Variants in COL5A1 observed in about 807,000 individuals in gnomAD.
The protein encoded by COL5A1 is collagen alpha-1(V) chain.
In COL5A1, 16 loss-of-function variants were observed where a neutral mutation model predicts 263.7. The observed-to-expected ratio is 0.06, with a 90% confidence interval of 0.04 to 0.09. The LOEUF is 0.09. Among genes scored for constraint, COL5A1 ranks in the 10% least tolerant of loss-of-function variants. COL5A1 has a pLI of 1.00. For missense variants in COL5A1, 2,036 were observed against 2,540.5 expected (o/e 0.80, Z 4.27); for synonymous variants, 1,012 against 1,004.5 (o/e 1.01, Z -0.14).
chr9:134,828,996 G>GCACA (rs1270909807), intron 63 of COL5A1, among the ~76,000 whole-genome samples: 23 of 150,106 alleles, frequency 1.5e-4, no homozygotes, highest in Non-Finnish European at 2.8e-4. Flanking sequence ...CACCATGCAC[G>GCACA]CGCACACACA....
rs1028418375 is a variant in COL5A1, at chr9:134,686,699, C to T, written c.110-4213C>T. On this transcript the variant is annotated intron_variant, in intron 1 of 65. Coordinates refer to ENST00000371817, the MANE Select transcript of COL5A1 (RefSeq NM_000093.5). The surrounding 1 kb of genome is among the most constrained non-coding windows in gnomAD (Gnocchi z 4.6). The stretch of plus-strand genomic sequence containing the variant: ...CAGTGACAAATACTTCTACTTGTAA[C>T]AGTGCAGGGGATGCAGGGGCCAACT... Among the ~76,000 whole-genome samples the T allele has an allele frequency of 7.2e-5, 11 of 152,192 alleles. No individual in the cohort carries two copies. Among genetic ancestry groups the T allele is most frequent in the Non-Finnish European group, 1.0e-4 (7 of 68,046 alleles).
chr9:134,809,590 G>A (rs907927932), intron 43 of COL5A1, among the ~76,000 whole-genome samples: 1 of 152,204 alleles, frequency 6.6e-6, no homozygotes, highest in African/African-American at 2.4e-5. Context: ...ATGCTCCCCG[G>A]TCCCCCCGAA....
Position 134,818,983 on chromosome 9 carries a change from C to A in COL5A1, c.4393-17C>A. 6.2e-7 allele frequency: 1 copy of A among 1,613,396 alleles called. No individual in the cohort carries two copies. The highest frequency in any genetic ancestry group is 8.5e-7 in the Non-Finnish European group (1 of 1,179,930). On this transcript the variant is annotated splice_polypyrimidine_tract_variant and intron_variant, in intron 56 of 65. Coordinates refer to ENST00000371817, the MANE Select transcript of COL5A1 (RefSeq NM_000093.5). The surrounding 1 kb of genome is among the most constrained non-coding windows in gnomAD (Gnocchi z 6.0). ...CCCCAAGGATGAGGACTCTGATCCCCCTGCCTCCTCCCACAGGGTCCCCCA... is the reference window on the plus strand; with the variant it reads ...CCCCAAGGATGAGGACTCTGATCCCACTGCCTCCTCCCACAGGGTCCCCCA...
intron 63 of COL5A1, among the ~76,000 whole-genome samples, chr9:134,827,881 A>G (rs1235908214): frequency 1.3e-5 from 2 of 152,220 alleles, no homozygotes; most frequent in Admixed American, 6.5e-5. Context: ...TGGCATTGAC[A>G]GTGGCAGATT....
At position 134,716,896 on chromosome 9, in the gene COL5A1, G is replaced by A. The variant is rs113994565; in HGVS notation, c.655-10370G>A. ...GAATTGGACTGGGACTGGAGGCAGC[G>A]AGCGAGGACATGGCGGGGACAGCAG... On this transcript the variant is annotated intron_variant, in intron 4 of 65. Transcript: ENST00000371817. The surrounding 1 kb of genome is among the most constrained non-coding windows in gnomAD (Gnocchi z 4.5). 1.3e-5 allele frequency among the ~76,000 whole-genome samples: 2 copies of A among 152,298 alleles called. No individual in the cohort carries two copies. The highest frequency in any genetic ancestry group is 4.8e-5 in the African/African-American group (2 of 41,556).
At chr9:134,722,539 G>A (rs965125158) in intron 4 of COL5A1, among the ~76,000 whole-genome samples, 1 of 152,250 alleles carries the variant, frequency 6.6e-6, no homozygotes, top group African/African-American at 2.4e-5. Context: ...CGGGGAAGCA[G>A]AGCTGGATCC....
At position 134,818,960 on chromosome 9, in the gene COL5A1, C is replaced by T. The variant is rs1446855905; in HGVS notation, c.4393-40C>T. ...TGGGATGACTTCGCCACCCAAAGCCCCAAGGATGAGGACTCTGATCCCCCT... is the reference window on the plus strand; with the variant it reads ...TGGGATGACTTCGCCACCCAAAGCCTCAAGGATGAGGACTCTGATCCCCCT... On this transcript the variant is annotated intron_variant, in intron 56 of 65. Coordinates refer to ENST00000371817, the MANE Select transcript of COL5A1 (RefSeq NM_000093.5). The surrounding 1 kb of genome is among the most constrained non-coding windows in gnomAD (Gnocchi z 6.0). 6.2e-7 allele frequency: 1 copy of T among 1,613,182 alleles called. No individual in the cohort carries two copies. The highest frequency in any genetic ancestry group is 1.3e-5 in the African/African-American group (1 of 74,926).
At chr9:134,762,303 T>G (rs1235571609) in intron 19 of COL5A1, among the ~76,000 whole-genome samples, 1 of 152,206 alleles carries the variant, frequency 6.6e-6, no homozygotes, top group Non-Finnish European at 1.5e-5. Flanking sequence ...CCAGAGCGTT[T>G]ACTGAGCTCA....
intron 11 of COL5A1, among the ~76,000 whole-genome samples, chr9:134,740,844 C>T (rs1379318579): frequency 1.3e-5 from 2 of 152,218 alleles, no homozygotes; most frequent in Non-Finnish European, 2.9e-5. Context: ...GGTTTAGGAG[C>T]TGGTCCTCCT....
chr9:134,760,653 A>ACACACC (rs1554794678), intron 18 of COL5A1, among the ~76,000 whole-genome samples: 1 of 96,572 alleles, frequency 1.0e-5, no homozygotes, highest in Non-Finnish European at 2.1e-5. Context: ...ACACTCATGC[A>ACACACC]CACACACACA....
intron 4 of COL5A1, among the ~76,000 whole-genome samples, chr9:134,719,060 G>A (rs1184742414): frequency 6.6e-6 from 1 of 152,208 alleles, no homozygotes; most frequent in African/African-American, 2.4e-5. Context: ...TTGGAGCGGG[G>A]AAGTGGGGTG....
intron 1 of COL5A1, among the ~76,000 whole-genome samples, chr9:134,661,688 T>C (rs1416037727): frequency 6.6e-6 from 1 of 152,122 alleles, no homozygotes; most frequent in East Asian, 1.9e-4. Flanking sequence ...TTTTCCCAGA[T>C]GTCACCCAGC....
At chr9:134,792,873 TTG>T (rs1178621322) in intron 32 of COL5A1, among the ~76,000 whole-genome samples, 7 of 37,452 alleles carry the variant, frequency 1.9e-4, no homozygotes, top group Non-Finnish European at 4.5e-4. Context: ...GTGCGCGCGT[TTG>T]TGCACACGTG....
Position 134,804,520 on chromosome 9 carries a change from G to C in COL5A1, c.3115-455G>C, listed in dbSNP as rs117798197. Among the ~76,000 whole-genome samples the C allele has an allele frequency of 2.7e-3, 405 of 152,294 alleles. 6 individuals are homozygous for C. The highest frequency in any genetic ancestry group is 3.9e-3 in the Admixed American group (59 of 15,294). ...CCCCAAATCTATGGAAAAGATAGAC[G>C]TGCCCTCAGCTCCCACATGGCCCAT... On this transcript the variant is annotated intron_variant, in intron 39 of 65. Coordinates refer to ENST00000371817, the MANE Select transcript of COL5A1 (RefSeq NM_000093.5).
chr9:134,811,461 T>C (rs766852485), intron 45 of COL5A1, 31 bp from the exon 46 acceptor site: 2 of 1,612,442 alleles, frequency 1.2e-6, no homozygotes, highest in African/African-American at 2.7e-5. Context: ...ATTGCCAGCA[T>C]CCTCACCCAT....
chr9:134,665,966 G>A (rs1832342683), intron 1 of COL5A1, among the ~76,000 whole-genome samples: 1 of 152,026 alleles, frequency 6.6e-6, no homozygotes, highest in African/African-American at 2.4e-5. Flanking sequence ...ACATGCCTGT[G>A]GTCCCAGCTA....
Position 134,742,278 on chromosome 9 carries a change from G to T in COL5A1, c.1494+3470G>T, listed in dbSNP as rs1011105585. On this transcript the variant is annotated intron_variant, in intron 11 of 65. Coordinates refer to ENST00000371817, the MANE Select transcript of COL5A1 (RefSeq NM_000093.5). The surrounding 1 kb of genome is among the most constrained non-coding windows in gnomAD (Gnocchi z 4.6). ...GCAGAGTGCAAGGAGAGGCACAGAA[G>T]TGGGGCCTGCCTTAAGAAACTCACC... Among the ~76,000 whole-genome samples the T allele has an allele frequency of 6.6e-6, 1 of 150,882 alleles. No homozygotes were observed. Among genetic ancestry groups the T allele is most frequent in the East Asian group, 2.0e-4 (1 of 5,004 alleles).
At chr9:134,788,682 C>T (rs1345432446) in intron 31 of COL5A1, among the ~76,000 whole-genome samples, 1 of 145,352 alleles carries the variant, frequency 6.9e-6, no homozygotes, top group Non-Finnish European at 1.5e-5. Flanking sequence ...GATGGATAGA[C>T]AGATAGGTGG....
chr9:134,699,508 T>C (rs1833596301), intron 2 of COL5A1, among the ~76,000 whole-genome samples: 1 of 139,322 alleles, frequency 7.2e-6, no homozygotes, highest in Non-Finnish European at 1.5e-5. Flanking sequence ...GCATGCTGAG[T>C]GGTGTGACCT....
Sources: allele counts gnomAD v4.1 joint callset (sites outside exome capture counted in the v4.1 genomes callset), GRCh38; gene constraint gnomAD v4.1.1; non-coding constraint Gnocchi (gnomAD v3.1); transcripts MANE v1.5; gene names NCBI Gene and HGNC (gene_info 2026-07-23, HGNC 2026-07-21).